The following AKR1C1 variants were observed in gnomAD, a reference collection of about 807,000 sequenced individuals.
AKR1C1 encodes aldo-keto reductase family 1 member C1, also known as 20 alpha-hydroxysteroid dehydrogenase.
In AKR1C1, 32 loss-of-function variants were observed where a neutral mutation model predicts 40.6. That is an observed-to-expected ratio of 0.79 (90% confidence interval 0.60 to 1.06). AKR1C1 has a LOEUF of 1.06. AKR1C1 is among the 50% of genes least tolerant of loss of function. AKR1C1 has a pLI of 0.00. For missense variants in AKR1C1, 320 were observed against 363.5 expected, an observed-to-expected ratio of 0.88 and a Z score of 0.97; for synonymous variants, 105 against 134.2, an observed-to-expected ratio of 0.78 and a Z score of 1.50.
intron 2 of AKR1C1, 130 bp downstream of exon 2, chr10:4,966,211 A>G (rs1448936431): frequency 2.1e-6 from 3 of 1,461,182 alleles, no homozygotes; most frequent in South Asian, 3.0e-5. Flanking sequence ...ACACTTACTC[A>G]TGTATTAAAA....
intron 5 of AKR1C1, among the ~76,000 whole-genome samples, chr10:4,970,816 G>C (rs1348252565): frequency 3.4e-5 from 4 of 117,408 alleles, no homozygotes; most frequent in Admixed American, 9.9e-5. Flanking sequence ...GTTGTGGGGT[G>C]GGGGGAGGGG....
rs1836617989 is a variant in AKR1C1 at position 4,981,668 on chromosome 10, T to C, written c.*3926T>C. ...AAAAAACCATCACATCCCCAGATTC[T>C]GAGGGGAGAGAGTTCACTCCAGAGC... is the stretch of plus-strand genomic sequence containing the variant. On this transcript the variant is annotated 3_prime_UTR_variant, in exon 9 of 9. Transcript: ENST00000380872. 1 of 152,230 alleles carries C rather than the reference T, an allele frequency of 6.6e-6. No homozygotes were observed. The highest frequency in any genetic ancestry group is 6.5e-5 in the Admixed American group (1 of 15,290). The allele number at this position is 152,230 out of a possible 1,614,324, so 9.4% of individuals were successfully genotyped here. A position where few individuals can be genotyped will look rare whatever the true frequency, so the allele number is the denominator to read the frequency against.
At position 4,979,020 on chromosome 10, in the gene AKR1C1, G is replaced by A. The variant is rs1836572043; in HGVS notation, c.*1278G>A. The A allele has an allele frequency of 6.6e-6, 1 of 152,138 alleles. No homozygotes were observed. The highest frequency in any genetic ancestry group is 2.4e-5 in the African/African-American group (1 of 41,420). The allele number at this position is 152,138 out of a possible 1,614,324, so 9.4% of individuals were successfully genotyped here. On this transcript the variant is annotated 3_prime_UTR_variant, in exon 9 of 9. Coordinates refer to ENST00000380872, the MANE Select transcript of AKR1C1 (RefSeq NM_001353.6). ...GAGAAGGACAGTGGTTTTTAACCTG[G>A]GCATATGTTCTAACACATTTACTCT...
chr10:4,972,363 T>G, intron 6 of AKR1C1, 53 bp downstream of exon 6: 2 of 1,607,536 alleles, frequency 1.2e-6, no homozygotes, highest in Non-Finnish European at 1.7e-6. Flanking sequence ...TAAAAAAAAT[T>G]TAATCAGATC....
At position 4,965,910 on chromosome 10, in the gene AKR1C1, C is replaced by G; in HGVS notation, c.85-4C>G. 1 of 1,613,096 alleles carries G rather than the reference C, an allele frequency of 6.2e-7. No individual in the cohort carries two copies. On this transcript the variant is annotated splice_polypyrimidine_tract_variant and splice_region_variant and intron_variant, in intron 1 of 8. Coordinates refer to ENST00000380872, the MANE Select transcript of AKR1C1 (RefSeq NM_001353.6). ...GAAAATACTACCTATGGTTACTCCC[C>G]CAGGTTCCTAAAAGTAAAGCTTTAG...
At chr10:4,970,312 T>A (rs1467770567) in intron 5 of AKR1C1, among the ~76,000 whole-genome samples, 1 of 152,228 alleles carries the variant, frequency 6.6e-6, no homozygotes, top group Non-Finnish European at 1.5e-5. Flanking sequence ...CTTTTGTAGC[T>A]CTTCTTTTTT....
At chr10:4,976,620 G>A (rs1301798409) in intron 8 of AKR1C1, among the ~76,000 whole-genome samples, 1 of 152,110 alleles carries the variant, frequency 6.6e-6, no homozygotes, top group Admixed American at 6.5e-5. Flanking sequence ...AGATGCAAAA[G>A]CACCATTGTT....
In AKR1C1 at chr10:4,966,679, T is replaced by G. The variant is rs554785315; in HGVS notation, c.253-248T>G. Among the ~76,000 whole-genome samples, 75 of 152,372 alleles carry G rather than the reference T, an allele frequency of 4.9e-4. 1 individual carries two copies. In the South Asian group the frequency reaches 6.8e-3, roughly 14 times the overall value. On this transcript the variant is annotated intron_variant, in intron 2 of 8. Transcript: ENST00000380872. ...TCAGATAATGGGTATGCTTATGATT[T>G]GATAACAACTTTTACCTTTTGAGTA... is the stretch of plus-strand genomic sequence containing the variant.
rs1836575082 is a variant in AKR1C1 at position 4,979,159 on chromosome 10, A to C, written c.*1417A>C. ...TTTGCAGCTCACAGTTTTTTCCGTA[A>C]ATTACTTATTCTATAAAATTGGAGT... On this transcript the variant is annotated 3_prime_UTR_variant, in exon 9 of 9. Transcript: ENST00000380872. 1 of 152,182 alleles carries C rather than the reference A, an allele frequency of 6.6e-6. No homozygotes were observed. The highest frequency in any genetic ancestry group is 2.1e-4 in the South Asian group (1 of 4,834). 9.4% of individuals were successfully genotyped at this position (152,182 alleles called of 1,614,324 possible). A position where few individuals can be genotyped will look rare whatever the true frequency, so the allele number is the denominator to read the frequency against.
intron 7 of AKR1C1, among the ~76,000 whole-genome samples, chr10:4,974,839 T>C (rs1291530998): frequency 1.3e-5 from 2 of 152,120 alleles, no homozygotes; most frequent in South Asian, 2.1e-4. Flanking sequence ...AATATTTTTC[T>C]AACTTCTTCA....
chr10:4,973,435 CG>C (rs1313200418), intron 7 of AKR1C1, among the ~76,000 whole-genome samples: 1 of 151,344 alleles, frequency 6.6e-6, no homozygotes, highest in Non-Finnish European at 1.5e-5. Context: ...TCTGTGTGAG[CG>C]CCCCCCTCTC....
Position 4,972,669 on chromosome 10 carries a change from G to T in AKR1C1, c.766G>T (p.Ala256Ser), listed in dbSNP as rs552382529. Residue 256 changes from alanine (A) to serine (S), a missense_variant, in exon 7 of 9, where the codon GCC becomes TCC. Ala to Ser is a moderately conservative substitution (Grantham distance 99, BLOSUM62 1). Coordinates refer to ENST00000380872, the MANE Select transcript of AKR1C1 (RefSeq NM_001353.6). The stretch of plus-strand genomic sequence containing the variant: ...GCACAAGCGAACCCCAGCCCTGATT[G>T]CCCTGCGCTACCAGCTACAGCGTGG... ...KKHKRTPALI[A>S]LRYQLQRGVV... The T allele has an allele frequency of 6.8e-5, 109 of 1,613,008 alleles. No homozygotes were observed. In the South Asian group the frequency reaches 1.1e-3, roughly 16 times the overall value.
chr10:4,969,921 T>G (rs954025312), intron 5 of AKR1C1: 1 of 501,256 alleles, frequency 2.0e-6, no homozygotes, highest in African/African-American at 1.9e-5. Context: ...TGTGATAATT[T>G]AATAAAAGCA....
intron 5 of AKR1C1, chr10:4,969,720 C>T (rs1564316227): frequency 1.9e-6 from 3 of 1,612,060 alleles, no homozygotes; most frequent in Non-Finnish European, 1.7e-6. Flanking sequence ...CTGGTGATTC[C>T]AGGCCTCCTT....
At chr10:4,968,731 G>A in intron 4 of AKR1C1, 91 bp from the exon 5 acceptor site, 1 of 1,587,604 alleles carries the variant, frequency 6.3e-7, no homozygotes, top group Non-Finnish European at 8.6e-7. Flanking sequence ...CGGCTAGCTA[G>A]TTTTATTGTC....
rs1162732930 is a variant in AKR1C1, at chr10:4,968,905, C to T, written c.531C>T (p.Leu177=). 1 of 1,614,202 alleles carries T rather than the reference C, an allele frequency of 6.2e-7. No individual in the cohort carries two copies. The highest frequency in any genetic ancestry group is 1.7e-5 in the Admixed American group (1 of 60,018). ...ACCGCAGGCAGCTGGAGATGATCCTCAACAAGCCAGGGCTCAAGTACAAGC... is the reference window on the plus strand; with the variant it reads ...ACCGCAGGCAGCTGGAGATGATCCTTAACAAGCCAGGGCTCAAGTACAAGC... The part of the protein sequence containing the change: ...NFNRRQLEMI[L]NKPGLKYKPV... Residue 177 remains leucine (L), a synonymous_variant, in exon 5 of 9, where the codon CTC becomes CTT. Coordinates refer to ENST00000380872, the MANE Select transcript of AKR1C1 (RefSeq NM_001353.6).
In AKR1C1 at chr10:4,968,629, C is replaced by T. The variant is rs1490566561; in HGVS notation, c.448-193C>T. Among the ~76,000 whole-genome samples the T allele has an allele frequency of 7.9e-5, 12 of 152,326 alleles. No individual in the cohort carries two copies. The South Asian group carries it at 1.0e-3, about 13-fold the overall frequency. ...TTCCTTGCCTTTTCACTAATCTCTC[C>T]AGTTTCCCAAGGAGGAAACAGAAAT... On this transcript the variant is annotated intron_variant, in intron 4 of 8. Coordinates refer to ENST00000380872, the MANE Select transcript of AKR1C1 (RefSeq NM_001353.6).
rs1163705321 is a variant in AKR1C1, at chr10:4,980,955, C to A, written c.*3213C>A. 3 of 152,144 alleles carry A rather than the reference C, an allele frequency of 2.0e-5. No individual in the cohort carries two copies. Among genetic ancestry groups the A allele is most frequent in the Non-Finnish European group, 2.9e-5 (2 of 68,024 alleles). 9.4% of individuals were successfully genotyped at this position (152,144 alleles called of 1,614,324 possible). On this transcript the variant is annotated 3_prime_UTR_variant, in exon 9 of 9. Coordinates refer to ENST00000380872, the MANE Select transcript of AKR1C1 (RefSeq NM_001353.6). ...GACTTATGAAATGTATTTCCTGAAC[C>A]ATAAAACAAGAACATCAAAATTACT...
intron 2 of AKR1C1, among the ~76,000 whole-genome samples, chr10:4,966,673 A>C (rs1380523921): frequency 6.6e-6 from 1 of 152,244 alleles, no homozygotes; most frequent in Non-Finnish European, 1.5e-5. Context: ...GGGTATGCTT[A>C]TGATTTGATA....
Sources: gnomAD v4.1 joint callset for allele counts (sites outside exome capture counted in the v4.1 genomes callset) on GRCh38, gnomAD v4.1.1 for gene constraint, MANE v1.5 for transcripts, NCBI Gene and HGNC (gene_info 2026-07-23, HGNC 2026-07-21) for gene names.